Variants in OR8D4 observed in about 807,000 individuals in gnomAD.
The protein encoded by OR8D4 is olfactory receptor 8D4.
For synonymous variants in OR8D4, 141 were observed against 134.8 expected (o/e 1.05, Z -0.32); for missense variants, 359 against 372.6 (o/e 0.96, Z 0.30).
chr11:123,905,546 A>G lies in OR8D4; in HGVS notation c.-15-871A>G, dbSNP rs1863192459. ...TCTCCCTGGAATTATTCTTTTGCTG[A>G]ACACCCTTGGAAACCTTGATGTAGA... is the stretch of plus-strand genomic sequence containing the variant. On this transcript the variant is annotated intron_variant, in intron 1 of 1. Transcript: ENST00000641687. 2.0e-5 allele frequency among the ~76,000 whole-genome samples: 3 copies of G among 152,256 alleles called. No individual in the cohort carries two copies. The South Asian group carries it at 6.2e-4, about 32-fold the overall frequency.
Position 123,907,190 on chromosome 11 carries a change from G to T in OR8D4, c.759G>T (p.Gly253=). Residue 253 remains glycine, a synonymous_variant, in exon 2 of 2, where the codon GGG becomes GGT. Transcript: ENST00000641687. The part of the protein sequence containing the change: ...SHLTAVLMFY[G]SLMSMYLKPA... ...TGACAGCTGTTCTTATGTTTTATGG[G>T]TCTCTGATGTCCATGTATCTCAAAC... 1 of 1,613,810 alleles carries T rather than the reference G, an allele frequency of 6.2e-7. No homozygotes were observed. The highest frequency in any genetic ancestry group is 1.7e-4 in the Middle Eastern group (1 of 6,056).
Position 123,907,350 on chromosome 11 carries a change from A to C in OR8D4, c.919A>C (p.Arg307=), listed in dbSNP as rs773763437. ...AAATGCTCTGATGAAACTTTTAAGA[A>C]GAAAAATATCTTTATCTCCAGGATA... ...VRNALMKLLR[R]KISLSPG The change falls in exon 2 of 2, where the codon AGA becomes CGA. Residue 307 remains arginine, a synonymous_variant. Transcript: ENST00000641687. The C allele has an allele frequency of 1.2e-5, 16 of 1,383,784 alleles. No homozygotes were observed. The East Asian group carries it at 3.7e-4, about 32-fold the overall frequency. 85.7% of individuals were successfully genotyped at this position (1,383,784 alleles called of 1,614,324 possible). A position where few individuals can be genotyped will look rare whatever the true frequency, so the allele number is the denominator to read the frequency against.
chr11:123,903,331 A>G (rs919429064), intron 1 of OR8D4, among the ~76,000 whole-genome samples: 8 of 152,130 alleles, frequency 5.3e-5, no homozygotes, highest in African/African-American at 1.9e-4. Flanking sequence ...TAAACAAAAC[A>G]TACTAGTAAA....
Position 123,906,411 on chromosome 11 carries a change from C to T in OR8D4, c.-15-6C>T. ...GAATTTGACTTTTTCTCTCTCATCT[C>T]CACAGATTTCTCAGAGAAGAATGGG... On this transcript the variant is annotated splice_region_variant and splice_polypyrimidine_tract_variant and intron_variant, in intron 1 of 1. Coordinates refer to ENST00000641687, the MANE Select transcript of OR8D4 (RefSeq NM_001005197.2). 6.7e-6 allele frequency: 10 copies of T among 1,501,666 alleles called. No individual in the cohort carries two copies. Among genetic ancestry groups the T allele is most frequent in the Non-Finnish European group, 9.1e-6 (10 of 1,102,026 alleles). 93.0% of individuals were successfully genotyped at this position (1,501,666 alleles called of 1,614,324 possible).
intron 1 of OR8D4, among the ~76,000 whole-genome samples, chr11:123,904,399 G>C (rs1021465987): frequency 6.6e-6 from 1 of 152,088 alleles, no homozygotes; most frequent in Non-Finnish European, 1.5e-5. Flanking sequence ...GTAACACTCA[G>C]GACAGATTTT....
chr11:123,906,276 C>G lies in OR8D4; in HGVS notation c.-15-141C>G, dbSNP rs1591438150. 1.0e-5 allele frequency: 6 copies of G among 583,710 alleles called. No individual in the cohort carries two copies. In the East Asian group the frequency reaches 1.7e-4, roughly 17 times the overall value. The allele number at this position is 583,710 out of a possible 1,614,324, so 36.2% of individuals were successfully genotyped here. The stretch of plus-strand genomic sequence containing the variant: ...AAATCTATAGGTAGGTAGATGCTTA[C>G]CGACTCCATTTCATCTGAGTGTTCA... On this transcript the variant is annotated intron_variant, in intron 1 of 1. Transcript: ENST00000641687.
chr11:123,902,798 C>T (rs533543248), intron 1 of OR8D4, among the ~76,000 whole-genome samples: 5 of 151,742 alleles, frequency 3.3e-5, no homozygotes, highest in African/African-American at 1.2e-4. Context: ...TTCTAGACTT[C>T]TGTTGTCCAG....
At position 123,907,172 on chromosome 11, in the gene OR8D4, T is replaced by C; in HGVS notation, c.741T>C (p.Ala247=). Reference sequence around the variant, plus strand: ...GCACCTGTAGCTCCCACCTGACAGCTGTTCTTATGTTTTATGGGTCTCTGA... The same window carrying C: ...GCACCTGTAGCTCCCACCTGACAGCCGTTCTTATGTTTTATGGGTCTCTGA... The part of the protein sequence containing the change: ...AFSTCSSHLT[A]VLMFYGSLMS... The change falls in exon 2 of 2, where the codon GCT becomes GCC. Residue 247 remains alanine, a synonymous_variant. Transcript: ENST00000641687. 1 of 1,613,758 alleles carries C rather than the reference T, an allele frequency of 6.2e-7. No individual in the cohort carries two copies. The highest frequency in any genetic ancestry group is 8.5e-7 in the Non-Finnish European group (1 of 1,179,768).
chr11:123,907,304 T>G lies in OR8D4; in HGVS notation c.873T>G (p.Ser291Arg), dbSNP rs1189926561. The G allele has an allele frequency of 4.4e-6, 7 of 1,579,320 alleles. No homozygotes were observed. Among genetic ancestry groups the G allele is most frequent in the Non-Finnish European group, 6.1e-6 (7 of 1,156,368 alleles). ...TCATGTTGAATCCCTTGATATATAG[T>G]CTGAGGAACAATGAAGTAAGAAATG... Reference protein sequence around the residue: ...VILMLNPLIYSLRNNEVRNAL... With the variant: ...VILMLNPLIYRLRNNEVRNAL... The change falls in exon 2 of 2, where the codon AGT (serine) becomes AGG (arginine). Residue 291 changes from serine (S) to arginine (R), a missense_variant. Coordinates refer to ENST00000641687, the MANE Select transcript of OR8D4 (RefSeq NM_001005197.2).
chr11:123,907,446 T>A lies in OR8D4; in HGVS notation c.*70T>A. 1.4e-6 allele frequency: 1 copy of A among 710,180 alleles called. No homozygotes were observed. The highest frequency in any genetic ancestry group is 2.3e-6 in the Non-Finnish European group (1 of 443,652). 44.0% of individuals were successfully genotyped at this position (710,180 alleles called of 1,614,324 possible). ...TATATGTATATATTTATACCTTGAC[T>A]ATTTAAAAGTAATTTGAGGTCCAGG... On this transcript the variant is annotated 3_prime_UTR_variant, in exon 2 of 2. Transcript: ENST00000641687.
intron 1 of OR8D4, among the ~76,000 whole-genome samples, chr11:123,903,626 T>C (rs1372098746): frequency 2.0e-5 from 3 of 152,200 alleles, no homozygotes; most frequent in Non-Finnish European, 4.4e-5. Flanking sequence ...CATAAATTTG[T>C]ATCCCTAGGC....
chr11:123,906,329 GTGTTTTCATAGAGAGAAAACACTGATATT>G, intron 1 of OR8D4, 59 bp from the exon 2 acceptor site: 1 of 806,422 alleles, frequency 1.2e-6, no homozygotes, highest in Non-Finnish European at 1.9e-6. Flanking sequence ...CACAAAGTCA[GTGTTTTCATAGAGAGAAAACACTGATATT>G]TGTTTTCTAT....
chr11:123,906,625 G>GT lies in OR8D4; in HGVS notation c.197dup (p.Leu66PhefsTer15). 1 of 1,613,886 alleles carries GT rather than the reference G, an allele frequency of 6.2e-7. No homozygotes were observed. Among genetic ancestry groups the GT allele is most frequent in the Non-Finnish European group, 8.5e-7 (1 of 1,179,828 alleles). ...ACCCCCATGTACTATTTCCTGAGTA[G>GT]TTTGTCTTTTTTAGATTTCTGCTAT... On this transcript the variant is annotated frameshift_variant, in exon 2 of 2. Transcript: ENST00000641687. LOFTEE classifies it low-confidence loss of function (END_TRUNC).
chr11:123,905,685 A>AT (rs1333807126), intron 1 of OR8D4, among the ~76,000 whole-genome samples: 2 of 85,288 alleles, frequency 2.3e-5, no homozygotes, highest in Non-Finnish European at 6.3e-5. Flanking sequence ...CTCAGCCTCT[A>AT]GTTTATGCAC....
chr11:123,903,670 A>G (rs1863178569), intron 1 of OR8D4, among the ~76,000 whole-genome samples: 1 of 152,296 alleles, frequency 6.6e-6, no homozygotes, highest in East Asian at 1.9e-4. Flanking sequence ...TTGGTTAAAT[A>G]AAGTAGATGC....
At position 123,906,915 on chromosome 11, in the gene OR8D4, T is replaced by A. The variant is rs749600093; in HGVS notation, c.484T>A (p.Cys162Ser). ...CACTGATGCTGTGATCCATGGAGGT[T>A]GTATACTCAGGTTGTCTTTCTGTGG... Reference protein sequence around the residue: ...GFTDAVIHGGCILRLSFCGSN... With the variant: ...GFTDAVIHGGSILRLSFCGSN... The change falls in exon 2 of 2, where the codon TGT becomes AGT. Residue 162 changes from cysteine to serine, a missense_variant. Coordinates refer to ENST00000641687, the MANE Select transcript of OR8D4 (RefSeq NM_001005197.2). The A allele has an allele frequency of 4.3e-6, 7 of 1,614,074 alleles. No homozygotes were observed. In the East Asian group the frequency reaches 1.6e-4, roughly 36 times the overall value.
chr11:123,903,027 G>A (rs1318419318), intron 1 of OR8D4, among the ~76,000 whole-genome samples: 4 of 117,604 alleles, frequency 3.4e-5, no homozygotes, highest in East Asian at 2.4e-4. Context: ...TTCAACCAAT[G>A]GCAGATGGAA....
rs1382386229 is a variant in OR8D4 at position 123,906,632 on chromosome 11, T to A, written c.201T>A (p.Ser67=). The A allele has an allele frequency of 7.4e-6, 12 of 1,613,630 alleles. No individual in the cohort carries two copies. Among genetic ancestry groups the A allele is most frequent in the Middle Eastern group, 1.7e-4 (1 of 6,058 alleles). The change falls in exon 2 of 2, where the codon TCT becomes TCA. Residue 67 remains serine (S), a synonymous_variant. Coordinates refer to ENST00000641687, the MANE Select transcript of OR8D4 (RefSeq NM_001005197.2). ...TGTACTATTTCCTGAGTAGTTTGTC[T>A]TTTTTAGATTTCTGCTATTCTTCTG... ...TPMYYFLSSL[S]FLDFCYSSVI...
rs777988729 is a variant in OR8D4 at position 123,907,381 on chromosome 11, G to A, written c.*5G>A. On this transcript the variant is annotated 3_prime_UTR_variant, in exon 2 of 2. Transcript: ENST00000641687. ...ATATCTTTATCTCCAGGATAAATAT[G>A]CTCTTTATTAAGATCTATTTCTGTA... 3 of 1,076,274 alleles carry A rather than the reference G, an allele frequency of 2.8e-6. No individual in the cohort carries two copies. The South Asian group carries it at 4.5e-5, about 16-fold the overall frequency. 66.7% of individuals were successfully genotyped at this position (1,076,274 alleles called of 1,614,324 possible).
Sources: allele counts gnomAD v4.1 joint callset (sites outside exome capture counted in the v4.1 genomes callset), GRCh38; gene constraint gnomAD v4.1.1; transcripts MANE v1.5; gene names NCBI Gene and HGNC (gene_info 2026-07-23, HGNC 2026-07-21).